The following TMEM176B variants were observed in gnomAD, a reference collection of about 807,000 sequenced individuals.
TMEM176B encodes LR8-like protein.
Under a neutral mutation model 30.3 loss-of-function variants are expected in TMEM176B, and 28 were observed. That is an observed-to-expected ratio of 0.92 (90% confidence interval 0.68 to 1.27). TMEM176B has a LOEUF of 1.27. Ranked by LOEUF, TMEM176B falls within the 50% of genes most tolerant of loss-of-function variation. The pLI is 0.00. For missense variants in TMEM176B, 349 were observed against 327.4 expected (o/e 1.07, Z -0.51); for synonymous variants, 123 against 130.3 (o/e 0.94, Z 0.38).
chr7:150,791,985 G>A (rs1203851513), intron 6 of TMEM176B, 71 bp downstream of exon 6: 13 of 1,598,416 alleles, frequency 8.1e-6, no homozygotes, highest in African/African-American at 4.0e-5. Flanking sequence ...CCCTGGCCCC[G>A]CACTCCTACC....
At chr7:150,794,203 C>G (rs973134579) in intron 2 of TMEM176B, 132 bp from the exon 3 acceptor site, 5 of 615,732 alleles carry the variant, frequency 8.1e-6, no homozygotes, top group Non-Finnish European at 1.4e-5. Context: ...CTCTGCAGCT[C>G]TGATTCTGGA....
intron 1 of TMEM176B, among the ~76,000 whole-genome samples, chr7:150,799,634 G>C (rs1798681472): frequency 6.6e-6 from 1 of 152,246 alleles, no homozygotes; most frequent in African/African-American, 2.4e-5. Flanking sequence ...GGTTAGAAAG[G>C]ACAGGAGTTA....
chr7:150,800,211 C>G (rs1375859763), intron 1 of TMEM176B, 87 bp downstream of exon 1: 1 of 152,436 alleles, frequency 6.6e-6, no homozygotes, highest in Non-Finnish European at 1.5e-5. Flanking sequence ...GTGGACAGGA[C>G]GGGGTGGGGG....
chr7:150,797,597 CAGA>C (rs1798577340), intron 1 of TMEM176B, among the ~76,000 whole-genome samples: 1 of 152,202 alleles, frequency 6.6e-6, no homozygotes, highest in Admixed American at 6.5e-5. Flanking sequence ...GATGTCCTCA[CAGA>C]AGTATTTTTT....
At position 150,796,388 on chromosome 7, in the gene TMEM176B, C is replaced by T. The variant is rs780715307; in HGVS notation, c.182G>A (p.Gly61Asp). The change falls in exon 2 of 7, where the codon GGT (glycine) becomes GAT (aspartate). Residue 61 changes from glycine (G) to aspartate (D), a missense_variant. Gly to Asp is a moderately conservative substitution (Grantham distance 94, BLOSUM62 -1). Coordinates refer to ENST00000326442, the MANE Select transcript of TMEM176B (RefSeq NM_001101312.2). Reference protein sequence around the residue: ...GDTVPSTARIGYEQLALGVTQ... With the variant: ...GDTVPSTARIDYEQLALGVTQ... ...TACCCCTAGAGCCAGCTGCTCATAA[C>T]CAATCCTGGCTGTGGAAGGCACAGT... 3 of 1,614,232 alleles carry T rather than the reference C, an allele frequency of 1.9e-6. No homozygotes were observed. The highest frequency in any genetic ancestry group is 2.2e-5 in the South Asian group (2 of 91,088).
In TMEM176B at chr7:150,792,578, G is replaced by A. The variant is rs1798357013; in HGVS notation, c.601-403C>T. 2.0e-5 allele frequency among the ~76,000 whole-genome samples: 3 copies of A among 152,128 alleles called. No homozygotes were observed. In the South Asian group the frequency reaches 6.2e-4, roughly 31 times the overall value. ...GCCCAAGCCAAGTGGAGAAGCCATT[G>A]CCGGCTCTTGCTGACAGCCCCCGCT... On this transcript the variant is annotated intron_variant, in intron 5 of 6. Transcript: ENST00000326442.
In TMEM176B at chr7:150,791,631, A is replaced by G; in HGVS notation, c.721-8T>C. The G allele has an allele frequency of 1.9e-6, 3 of 1,610,838 alleles. No individual in the cohort carries two copies. Among genetic ancestry groups the G allele is most frequent in the Non-Finnish European group, 2.5e-6 (3 of 1,177,692 alleles). On this transcript the variant is annotated splice_polypyrimidine_tract_variant and splice_region_variant and intron_variant, in intron 6 of 6. Transcript: ENST00000326442. ...CTCTGATCCTTCCTCATTCTGGAAA[A>G]AAAAGAAAAAAGAAATCCTTAGGGG...
At position 150,796,589 on chromosome 7, in the gene TMEM176B, A is replaced by G. The variant is rs1166259420; in HGVS notation, c.-5-15T>C. On this transcript the variant is annotated splice_polypyrimidine_tract_variant and intron_variant, in intron 1 of 6. Coordinates refer to ENST00000326442, the MANE Select transcript of TMEM176B (RefSeq NM_001101312.2). Reference sequence around the variant, plus strand: ...CGTCATCCTGCCTGCCAGGGAGAAGACATATAGCAGTGAGGTCTGGGAACT... The same window carrying G: ...CGTCATCCTGCCTGCCAGGGAGAAGGCATATAGCAGTGAGGTCTGGGAACT... 4 of 1,613,004 alleles carry G rather than the reference A, an allele frequency of 2.5e-6. No individual in the cohort carries two copies. The Admixed American group carries it at 5.0e-5, about 20-fold the overall frequency.
Position 150,791,433 on chromosome 7 carries a change from G to A in TMEM176B, c.*98C>T, listed in dbSNP as rs922020213. 5.5e-6 allele frequency: 5 copies of A among 910,582 alleles called. No homozygotes were observed. In the Admixed American group the frequency reaches 9.0e-5, roughly 16 times the overall value. The allele number at this position is 910,582 out of a possible 1,614,324, so 56.4% of individuals were successfully genotyped here. ...GGAGAAGAAAGGAGGAGGGTCTGGA[G>A]AGCGGCCATAGGGGAGGCAAGTGTG... On this transcript the variant is annotated 3_prime_UTR_variant, in exon 7 of 7. Transcript: ENST00000326442.
intron 2 of TMEM176B, 112 bp from the exon 3 acceptor site, chr7:150,794,183 G>A (rs1798431529): frequency 1.4e-6 from 1 of 694,694 alleles, no homozygotes; most frequent in African/African-American, 1.8e-5. Context: ...CTTTTCCTCT[G>A]CCTTGACCTC....
intron 6 of TMEM176B, among the ~76,000 whole-genome samples, 179 bp from the exon 7 acceptor site, chr7:150,791,802 AC>A (rs1344680829): frequency 6.6e-6 from 1 of 150,902 alleles, no homozygotes; most frequent in Admixed American, 6.6e-5. Flanking sequence ...AACACCTGGG[AC>A]AGGGCAGAGG....
At chr7:150,799,120 C>G (rs1056658254) in intron 1 of TMEM176B, among the ~76,000 whole-genome samples, 5 of 152,204 alleles carry the variant, frequency 3.3e-5, no homozygotes, top group Non-Finnish European at 5.9e-5. Context: ...GGTGACCAAC[C>G]TTCGCCGTTG....
chr7:150,797,934 T>C (rs1469144089), intron 1 of TMEM176B, among the ~76,000 whole-genome samples: 1 of 152,212 alleles, frequency 6.6e-6, no homozygotes, highest in Non-Finnish European at 1.5e-5. Context: ...TAGTAGATAT[T>C]GTCAGTTATC....
upstream of TMEM176B, chr7:150,801,052 G>C: frequency 1.1e-6 from 1 of 949,624 alleles, no homozygotes; most frequent in African/African-American, 1.8e-5. Flanking sequence ...TCGGGCGTGA[G>C]CAGCAGTCGG....
upstream of TMEM176B, chr7:150,801,030 G>A (rs1798763021): frequency 1.0e-6 from 1 of 977,604 alleles, no homozygotes; most frequent in Non-Finnish European, 1.2e-6. Flanking sequence ...GGGCAGGGGC[G>A]GCGTGAACCC....
At chr7:150,797,657 C>T (rs981417603) in intron 1 of TMEM176B, among the ~76,000 whole-genome samples, 1 of 152,050 alleles carries the variant, frequency 6.6e-6, no homozygotes, top group African/African-American at 2.4e-5. Flanking sequence ...GACTTTTGTT[C>T]CCAGGTTATT....
intron 3 of TMEM176B, 85 bp downstream of exon 3, chr7:150,793,876 C>G: frequency 7.8e-7 from 1 of 1,282,274 alleles, no homozygotes; most frequent in Non-Finnish European, 1.1e-6. Flanking sequence ...GGTCGCTTCC[C>G]CAAAGCCCCA....
chr7:150,796,682 G>A, intron 1 of TMEM176B, 108 bp from the exon 2 acceptor site: 5 of 1,117,310 alleles, frequency 4.5e-6, no homozygotes, highest in Non-Finnish European at 5.2e-6. Context: ...ATCCCAGCTG[G>A]GCACAATAGC....
chr7:150,798,266 C>T (rs1406312273), intron 1 of TMEM176B, among the ~76,000 whole-genome samples: 2 of 152,044 alleles, frequency 1.3e-5, no homozygotes, highest in African/African-American at 4.8e-5. Context: ...TCTTTTATTT[C>T]ATTTTTTTAT....
Sources: gnomAD v4.1 joint callset for allele counts (sites outside exome capture counted in the v4.1 genomes callset) on GRCh38, gnomAD v4.1.1 for gene constraint, MANE v1.5 for transcripts, NCBI Gene and HGNC (gene_info 2026-07-23, HGNC 2026-07-21) for gene names.